The following LRRC4B variants were observed in gnomAD, a reference collection of about 807,000 sequenced individuals.
LRRC4B encodes the protein leucine rich repeat containing 4B, also known as leucine-rich repeat-containing protein 4B.
Under a neutral mutation model 7.3 loss-of-function variants are expected in LRRC4B, and 1 was observed. The observed-to-expected ratio is 0.14, with a 90% CI of 0.05 to 0.65. LRRC4B has a LOEUF of 0.65. Ranked by LOEUF, LRRC4B falls within the 30% of genes least tolerant of loss-of-function variation. The pLI is 0.84. For synonymous variants in LRRC4B, 500 were observed against 499.2 expected (o/e 1.00, Z -0.02); for missense variants, 730 against 1,041.6 (o/e 0.70, Z 4.12).
At chr19:50,551,581 C>T (rs996722577) in intron 1 of LRRC4B, among the ~76,000 whole-genome samples, 2 of 137,738 alleles carry the variant, frequency 1.5e-5, no homozygotes, top group African/African-American at 5.5e-5. Flanking sequence ...GGTCCCCGTC[C>T]ACCTCCTCTG....
intron 2 of LRRC4B, among the ~76,000 whole-genome samples, chr19:50,533,012 A>C (rs181454709): frequency 2.0e-5 from 3 of 152,338 alleles, no homozygotes; most frequent in East Asian, 1.9e-4. Flanking sequence ...CTTCGTGTGC[A>C]CGTCTGAGAT....
chr19:50,526,876 T>TA (rs1980832649), intron 2 of LRRC4B, among the ~76,000 whole-genome samples: 1 of 147,710 alleles, frequency 6.8e-6, no homozygotes, highest in Admixed American at 6.7e-5. Flanking sequence ...TTTTTTGAGA[T>TA]AGAGTCTCAC....
Position 50,553,593 on chromosome 19 carries a change from C to T in LRRC4B, c.-35-4720G>A, listed in dbSNP as rs1982173687. ...CTTCTCAGTGAGGCCGTCCTGACCG[C>T]CCCGCATCAAACAGCACCCCTATCC... On this transcript the variant is annotated intron_variant, in intron 1 of 2. Coordinates refer to ENST00000652263, the MANE Select transcript of LRRC4B (RefSeq NM_001080457.2). The surrounding 1 kb of genome is among the most constrained non-coding windows in gnomAD (Gnocchi z 4.2). Among the ~76,000 whole-genome samples, 1 of 152,232 alleles carries T rather than the reference C, an allele frequency of 6.6e-6. No individual in the cohort carries two copies. Among genetic ancestry groups the T allele is most frequent in the Non-Finnish European group, 1.5e-5 (1 of 68,050 alleles).
At chr19:50,567,715 AC>A (rs1238304688) in intron 1 of LRRC4B, among the ~76,000 whole-genome samples, 5 of 62,028 alleles carry the variant, frequency 8.1e-5, no homozygotes, top group Non-Finnish European at 9.2e-5. Flanking sequence ...GGCGACAACC[AC>A]CCCCCCCACA....
chr19:50,565,192 C>A (rs1242105162), intron 1 of LRRC4B, among the ~76,000 whole-genome samples: 1 of 152,202 alleles, frequency 6.6e-6, no homozygotes, highest in Non-Finnish European at 1.5e-5. Flanking sequence ...GTGTGCGCCA[C>A]AGTGCACAGC....
In LRRC4B at chr19:50,565,857, T is replaced by A. The variant is rs138753280; in HGVS notation, c.-36+2087A>T. 2.2e-3 allele frequency among the ~76,000 whole-genome samples: 336 copies of A among 151,772 alleles called. 2 individuals carry two copies. The highest frequency in any genetic ancestry group is 7.9e-3 in the African/African-American group (328 of 41,434). ...GCTCCCCGACTCTTTCTTTCGGAAA[T>A]TAAGTGAGTAACTCCGTGACTCCGT... On this transcript the variant is annotated intron_variant, in intron 1 of 2. Transcript: ENST00000652263.
At chr19:50,520,924 G>A (rs180946077) in intron 2 of LRRC4B, among the ~76,000 whole-genome samples, 2 of 152,156 alleles carry the variant, frequency 1.3e-5, no homozygotes, top group Admixed American at 6.6e-5. Flanking sequence ...AGATGTCCAC[G>A]CAACGGCTTC....
In LRRC4B at chr19:50,517,634, G is replaced by A; in HGVS notation, c.2079C>T (p.Ser693=). 6.7e-7 allele frequency: 1 copy of A among 1,490,184 alleles called. No individual in the cohort carries two copies. The allele number at this position is 1,490,184 out of a possible 1,614,324, so 92.3% of individuals were successfully genotyped here. ...CGGKGPPGLN[S]IHEPLLFKSG... Reference sequence around the variant, plus strand: ...TCTTGAAGAGCAGAGGTTCGTGGATGGAGTTGAGGCCAGGCGGGCCTTTGC... The same window carrying A: ...TCTTGAAGAGCAGAGGTTCGTGGATAGAGTTGAGGCCAGGCGGGCCTTTGC... The change falls in exon 3 of 3, where the codon TCC becomes TCT. Residue 693 remains serine, a synonymous_variant. Transcript: ENST00000652263. The surrounding 1 kb of genome is among the most constrained non-coding windows in gnomAD (Gnocchi z 6.6).
At chr19:50,547,084 G>A (rs908493392) in intron 2 of LRRC4B, among the ~76,000 whole-genome samples, 1 of 152,210 alleles carries the variant, frequency 6.6e-6, no homozygotes, top group African/African-American at 2.4e-5. Context: ...GGTGCATGGG[G>A]ACCGCACAGT....
At chr19:50,542,903 G>C (rs2122871807) in intron 2 of LRRC4B, among the ~76,000 whole-genome samples, 1 of 152,244 alleles carries the variant, frequency 6.6e-6, no homozygotes, top group African/African-American at 2.4e-5. Context: ...CCCAGAGAGA[G>C]GCCAGCACCG....
intron 2 of LRRC4B, among the ~76,000 whole-genome samples, chr19:50,521,422 ATTATT>A (rs376597814): frequency 6.6e-5 from 10 of 151,990 alleles, no homozygotes; most frequent in African/African-American, 9.6e-5. Flanking sequence ...CCAGTGATAC[ATTATT>A]TTATTTTATT....
At chr19:50,552,637 C>T (rs879844630) in intron 1 of LRRC4B, among the ~76,000 whole-genome samples, 9,297 of 94,838 alleles carry the variant, frequency 0.098, 599 homozygotes, top group Middle Eastern at 0.18. Context: ...TTCATCCATC[C>T]GCCCATCCGT....
intron 2 of LRRC4B, among the ~76,000 whole-genome samples, chr19:50,543,200 A>G (rs1014023252): frequency 1.3e-5 from 2 of 152,198 alleles, no homozygotes; most frequent in Non-Finnish European, 2.9e-5. Flanking sequence ...GGCAGGGAAC[A>G]TTGCAAAGTC....
At position 50,548,878 on chromosome 19, in the gene LRRC4B, G is replaced by C; in HGVS notation, c.-35-5C>G. 1 of 1,375,654 alleles carries C rather than the reference G, an allele frequency of 7.3e-7. No homozygotes were observed. The highest frequency in any genetic ancestry group is 9.6e-7 in the Non-Finnish European group (1 of 1,043,844). The allele number at this position is 1,375,654 out of a possible 1,614,324, so 85.2% of individuals were successfully genotyped here. ...CTCCGCGTGGACGCTGGGGGGCTGT[G>C]GGTGGGGGAGAGAAGGGGGAGAGGC... On this transcript the variant is annotated splice_region_variant and splice_polypyrimidine_tract_variant and intron_variant, in intron 1 of 2. Coordinates refer to ENST00000652263, the MANE Select transcript of LRRC4B (RefSeq NM_001080457.2). This position sits in a 1 kb window ranked among gnomAD's most constrained non-coding sequence, Gnocchi z 6.8.
chr19:50,558,631 C>A (rs1290335943), intron 1 of LRRC4B, among the ~76,000 whole-genome samples: 1 of 152,260 alleles, frequency 6.6e-6, no homozygotes, highest in Non-Finnish European at 1.5e-5. Flanking sequence ...CCACACGAGG[C>A]TACGGAGCAC....
In LRRC4B at chr19:50,555,323, G is replaced by C. The variant is rs576855387; in HGVS notation, c.-35-6450C>G. On this transcript the variant is annotated intron_variant, in intron 1 of 2. Coordinates refer to ENST00000652263, the MANE Select transcript of LRRC4B (RefSeq NM_001080457.2). This position sits in a 1 kb window ranked among gnomAD's most constrained non-coding sequence, Gnocchi z 5.2. ...TCCCAGAACTTAGCCAGGTCACCAC[G>C]GTTGCCTCTCCCACCGCAGCTGCCC... 2 of 152,522 alleles carry C rather than the reference G, an allele frequency of 1.3e-5. No homozygotes were observed. The highest frequency in any genetic ancestry group is 4.8e-5 in the African/African-American group (2 of 41,420). 9.4% of individuals were successfully genotyped at this position (152,522 alleles called of 1,614,324 possible). A position where few individuals can be genotyped will look rare whatever the true frequency, so the allele number is the denominator to read the frequency against.
chr19:50,548,814 A>G lies in LRRC4B; in HGVS notation c.25T>C (p.Cys9Arg). 6.7e-7 allele frequency: 1 copy of G among 1,492,848 alleles called. No individual in the cohort carries two copies. The highest frequency in any genetic ancestry group is 8.9e-7 in the Non-Finnish European group (1 of 1,125,264). 92.5% of individuals were successfully genotyped at this position (1,492,848 alleles called of 1,614,324 possible). ...ATCCTACCGGGCGGCAGCGGGGGGC[A>G]CGGGGAGCCGCGGGCACGCGCCATC... is the stretch of plus-strand genomic sequence containing the variant. MARARGSPCPPLPPGRMSW... is the reference protein window; with the variant it reads MARARGSPRPPLPPGRMSW... The change falls in exon 2 of 3, where the codon TGC becomes CGC. Residue 9 changes from cysteine (C) to arginine (R), a missense_variant. Around this residue, in one of 6 missense-constraint regions of LRRC4B, gnomAD observed 143 missense variants for 158.4 expected, o/e 0.90. Coordinates refer to ENST00000652263, the MANE Select transcript of LRRC4B (RefSeq NM_001080457.2). This position sits in a 1 kb window ranked among gnomAD's most constrained non-coding sequence, Gnocchi z 6.8.
rs952235645 is a variant in LRRC4B, at chr19:50,555,105, G to A, written c.-35-6232C>T. ...TCCATGGACTGCCCTCTGCCCCCACGCACCCCTAGTAGTGATGGGAAATAC... is the reference window on the plus strand; with the variant it reads ...TCCATGGACTGCCCTCTGCCCCCACACACCCCTAGTAGTGATGGGAAATAC... On this transcript the variant is annotated intron_variant, in intron 1 of 2. Coordinates refer to ENST00000652263, the MANE Select transcript of LRRC4B (RefSeq NM_001080457.2). The surrounding 1 kb of genome is among the most constrained non-coding windows in gnomAD (Gnocchi z 5.2). 2.0e-5 allele frequency among the ~76,000 whole-genome samples: 3 copies of A among 152,254 alleles called. No homozygotes were observed. The highest frequency in any genetic ancestry group is 6.5e-5 in the Admixed American group (1 of 15,286).
At position 50,544,778 on chromosome 19, in the gene LRRC4B, G is replaced by C. The variant is rs554731213; in HGVS notation, c.297+3764C>G. ...GTAATTAAAAATACACTTATGGCTG[G>C]GTTAGGTGGTTTATACCTGTAATCC... On this transcript the variant is annotated intron_variant, in intron 2 of 2. Coordinates refer to ENST00000652263, the MANE Select transcript of LRRC4B (RefSeq NM_001080457.2). 7.2e-5 allele frequency among the ~76,000 whole-genome samples: 11 copies of C among 152,138 alleles called. No individual in the cohort carries two copies. The East Asian group carries it at 1.4e-3, about 19-fold the overall frequency.
Sources: gnomAD v4.1 joint callset for allele counts (sites outside exome capture counted in the v4.1 genomes callset) on GRCh38, gnomAD v4.1.1 for gene constraint, gnomAD v4.1.1 regional missense constraint, Gnocchi (gnomAD v3.1) non-coding constraint, MANE v1.5 for transcripts, NCBI Gene and HGNC (gene_info 2026-07-23, HGNC 2026-07-21) for gene names.